The following MIPEP variants were observed in gnomAD, a reference collection of about 807,000 sequenced individuals.
The protein encoded by MIPEP is mitochondrial intermediate peptidase.
MIPEP carries 79 observed loss-of-function variants against 90.3 expected under a neutral mutation model. The ratio of observed to expected loss-of-function variants is 0.87; its 90% CI spans 0.73 to 1.05. The LOEUF (loss-of-function observed/expected upper bound fraction) is 1.05, where lower values mean the gene tolerates loss of function less well. MIPEP is among the 50% of genes least tolerant of loss of function. MIPEP has a pLI of 0.00. For missense variants in MIPEP, 940 were observed against 905.6 expected, an observed-to-expected ratio of 1.04 and a Z score of -0.49; for synonymous variants, 334 against 315.8, an observed-to-expected ratio of 1.06 and a Z score of -0.61.
At chr13:23,760,245 G>A (rs556005069) in intron 16 of MIPEP, 28 bp from the exon 17 acceptor site, 4 of 1,613,710 alleles carry the variant, frequency 2.5e-6, no homozygotes, top group Non-Finnish European at 3.4e-6. Context: ...ACACAGCACG[G>A]GACACAAGTC....
intron 16 of MIPEP, among the ~76,000 whole-genome samples, chr13:23,773,212 T>C (rs984560872): frequency 2.6e-5 from 4 of 152,214 alleles, no homozygotes; most frequent in Non-Finnish European, 5.9e-5. Context: ...ACATTTCATA[T>C]AAATGAAATC....
chr13:23,756,674 T>A, intron 17 of MIPEP, 56 bp from the exon 18 acceptor site: 1 of 1,538,528 alleles, frequency 6.5e-7, no homozygotes, highest in Non-Finnish European at 8.9e-7. Flanking sequence ...CATTCACACT[T>A]GTCTTGAATT....
Position 23,798,081 on chromosome 13 carries a change from A to G in MIPEP, c.1848+7869T>C, listed in dbSNP as rs116228015. ...TGGTAGCACGTAGTAGGCACTTAAT[A>G]AAAAGATAACACATACATATACATT... On this transcript the variant is annotated intron_variant, in intron 16 of 18. Coordinates refer to ENST00000382172, the MANE Select transcript of MIPEP (RefSeq NM_005932.4). 3.7e-3 allele frequency among the ~76,000 whole-genome samples: 559 copies of G among 152,376 alleles called. 6 individuals are homozygous for G. The highest frequency in any genetic ancestry group is 0.012 in the African/African-American group (509 of 41,594).
chr13:23,762,941 CTT>C (rs1952563858), intron 16 of MIPEP, among the ~76,000 whole-genome samples: 1 of 152,206 alleles, frequency 6.6e-6, no homozygotes, highest in African/African-American at 2.4e-5. Context: ...CCTGCACAGT[CTT>C]TTGCCAGCAA....
intron 16 of MIPEP, among the ~76,000 whole-genome samples, chr13:23,776,819 TAA>T (rs34142881): frequency 4.3e-4 from 63 of 147,282 alleles, no homozygotes; most frequent in South Asian, 4.3e-4. Flanking sequence ...TGACCTGCAT[TAA>T]AAAAAAAAAA....
chr13:23,790,582 TAGA>T (rs1271734973), intron 16 of MIPEP, among the ~76,000 whole-genome samples: 1 of 75,516 alleles, frequency 1.3e-5, no homozygotes, highest in Non-Finnish European at 3.2e-5. Context: ...AAGCAAGAAG[TAGA>T]AGGAGGGGGA....
intron 7 of MIPEP, 146 bp downstream of exon 7, chr13:23,869,146 G>A: frequency 1.5e-6 from 1 of 679,846 alleles, no homozygotes; most frequent in Non-Finnish European, 2.2e-6. Context: ...TTTAAAAATG[G>A]TTCCTATAAA....
intron 18 of MIPEP, 22 bp downstream of exon 18, chr13:23,756,523 T>G: frequency 6.2e-7 from 1 of 1,608,036 alleles, no homozygotes. Context: ...TTATAGATGG[T>G]GCCATTTTGG....
intron 16 of MIPEP, among the ~76,000 whole-genome samples, chr13:23,774,784 C>CTTTTT (rs67628137): frequency 7.3e-5 from 5 of 68,294 alleles, no homozygotes; most frequent in Non-Finnish European, 1.3e-4. Context: ...TTTATCAGTT[C>CTTTTT]TTTTTTTTTT....
At chr13:23,806,616 C>T (rs576917903) in intron 15 of MIPEP, among the ~76,000 whole-genome samples, 10 of 151,650 alleles carry the variant, frequency 6.6e-5, no homozygotes, top group African/African-American at 9.7e-5. Flanking sequence ...AGGCGGAGCT[C>T]GCAGTGAGCC....
chr13:23,879,151 C>A, intron 4 of MIPEP, 117 bp downstream of exon 4: 2 of 694,344 alleles, frequency 2.9e-6, no homozygotes, highest in South Asian at 3.6e-5. Flanking sequence ...CATAGAGATA[C>A]CTGGGGAGGA....
At chr13:23,848,220 G>A (rs1869631828) in intron 10 of MIPEP, among the ~76,000 whole-genome samples, 1 of 152,174 alleles carries the variant, frequency 6.6e-6, no homozygotes, top group African/African-American at 2.4e-5. Flanking sequence ...AGAAAAGCAG[G>A]CACACTGTAA....
At chr13:23,852,365 T>C (rs967560769) in intron 10 of MIPEP, among the ~76,000 whole-genome samples, 6 of 152,182 alleles carry the variant, frequency 3.9e-5, no homozygotes, top group Admixed American at 1.3e-4. Flanking sequence ...CAAAAGTACA[T>C]AATAAACGTA....
chr13:23,761,877 C>G (rs1408971389), intron 16 of MIPEP, among the ~76,000 whole-genome samples: 1 of 152,196 alleles, frequency 6.6e-6, no homozygotes, highest in East Asian at 1.9e-4. Context: ...GTAATCCCAG[C>G]ACATCAGGAG....
At chr13:23,776,027 T>C (rs1040664140) in intron 16 of MIPEP, among the ~76,000 whole-genome samples, 4 of 152,172 alleles carry the variant, frequency 2.6e-5, no homozygotes, top group Admixed American at 2.0e-4. Context: ...TCACTGTATT[T>C]TTCTATTTGT....
chr13:23,789,944 C>G (rs1011640383), intron 16 of MIPEP, among the ~76,000 whole-genome samples: 8 of 152,194 alleles, frequency 5.3e-5, no homozygotes, highest in Admixed American at 1.3e-4. Context: ...TTTTCTTCTG[C>G]TGAGCTTTCT....
intron 16 of MIPEP, among the ~76,000 whole-genome samples, chr13:23,763,182 C>CA (rs1301602477): frequency 6.6e-6 from 1 of 152,158 alleles, no homozygotes; most frequent in Non-Finnish European, 1.5e-5. Context: ...GGGTATTTGT[C>CA]AGTTTTTCTT....
intron 14 of MIPEP, among the ~76,000 whole-genome samples, chr13:23,816,252 T>C (rs1245144319): frequency 1.3e-5 from 2 of 152,220 alleles, no homozygotes; most frequent in Non-Finnish European, 2.9e-5. Flanking sequence ...GGCCTTGTTA[T>C]TGCTCTCTTT....
chr13:23,868,280 TG>T (rs760204627), intron 7 of MIPEP, among the ~76,000 whole-genome samples: 1 of 151,248 alleles, frequency 6.6e-6, no homozygotes, highest in Non-Finnish European at 1.5e-5. Context: ...CATAGGAGAG[TG>T]ACACGAGCAA....
Sources: allele counts gnomAD v4.1 joint callset (sites outside exome capture counted in the v4.1 genomes callset), GRCh38; gene constraint gnomAD v4.1.1; transcripts MANE v1.5; gene names NCBI Gene and HGNC (gene_info 2026-07-23, HGNC 2026-07-21).